Variants in TAF1A observed in about 807,000 individuals in gnomAD.
TAF1A encodes TATA-box binding protein associated factor, RNA polymerase I subunit A.
A neutral mutation model predicts 61.6 loss-of-function variants in TAF1A; 42 were observed. The observed-to-expected ratio is 0.68, with a 90% CI of 0.53 to 0.88. TAF1A has a LOEUF of 0.88. TAF1A is among the 40% of genes least tolerant of loss of function. The pLI is 0.00. For synonymous variants in TAF1A, 179 were observed against 177.7 expected (o/e 1.01, Z -0.06); for missense variants, 424 against 518.7 (o/e 0.82, Z 1.77).
chr1:222,581,866 A>G (rs1031364715), intron 3 of TAF1A, among the ~76,000 whole-genome samples: 2 of 152,212 alleles, frequency 1.3e-5, no homozygotes, highest in African/African-American at 4.8e-5. Flanking sequence ...ATACAGGTTG[A>G]GTATCCCTTA....
chr1:222,576,879 C>A (rs772075977), intron 5 of TAF1A, among the ~76,000 whole-genome samples: 5 of 152,204 alleles, frequency 3.3e-5, no homozygotes, highest in Non-Finnish European at 5.9e-5. Flanking sequence ...CAGCCAGGCT[C>A]CTCTGAGCTC....
intron 7 of TAF1A, among the ~76,000 whole-genome samples, chr1:222,568,051 G>C (rs114946544): frequency 4.6e-5 from 7 of 151,916 alleles, no homozygotes; most frequent in Non-Finnish European, 1.0e-4. Flanking sequence ...ATGGAGAAAG[G>C]AGAGTCTTCA....
At chr1:222,587,796 A>G (rs752092933) in intron 2 of TAF1A, among the ~76,000 whole-genome samples, 31 of 152,274 alleles carry the variant, frequency 2.0e-4, no homozygotes, top group Non-Finnish European at 3.7e-4. Context: ...TCATGCCTGT[A>G]ATCCCACCAC....
At chr1:222,561,854 G>A (rs151132715) in intron 9 of TAF1A, among the ~76,000 whole-genome samples, 13 of 152,272 alleles carry the variant, frequency 8.5e-5, no homozygotes, top group African/African-American at 3.1e-4. Context: ...ACCTCTCTGA[G>A]CTTCAGTGCC....
At chr1:222,555,418 A>G (rs1487201425), downstream of TAF1A, among the ~76,000 whole-genome samples, 1 of 152,236 alleles carries the variant, frequency 6.6e-6, no homozygotes, top group African/African-American at 2.4e-5. Flanking sequence ...CATTCAGAAC[A>G]TGGAGGACAT....
intron 9 of TAF1A, 31 bp downstream of exon 9, chr1:222,563,142 G>T: frequency 6.6e-7 from 1 of 1,524,608 alleles, no homozygotes; most frequent in South Asian, 1.2e-5. Context: ...TATTTATGAT[G>T]ACCTAGTAAT....
Position 222,561,432 on chromosome 1 carries a change from C to T in TAF1A, c.1172G>A (p.Ser391Asn), listed in dbSNP as rs145156580. 1.0e-3 allele frequency: 1,681 copies of T among 1,612,902 alleles called. 20 individuals are homozygous for T. The African/African-American group carries it at 0.019, about 19-fold the overall frequency. Residue 391 changes from serine to asparagine, a missense_variant, in exon 10 of 11, where the codon AGT (serine) becomes AAT (asparagine). Transcript: ENST00000352967. ...GFHFSYFWAK[S>N]DWKEDTALAC... ...CAAAGCTGTATCTTCCTTCCAATCA[C>T]TTTTTGCCCAAAAGTAGCTGAAATG...
In TAF1A at chr1:222,577,597, T is replaced by C; in HGVS notation, c.452A>G (p.Lys151Arg). ...ALYLLHHGML[K>R]DAKRNLSEAE... The stretch of plus-strand genomic sequence containing the variant: ...CTCACTCAGATTTCTCTTAGCATCT[T>C]TAAGCATTCCATGATGCAGAAGGTA... Residue 151 changes from lysine (K) to arginine (R), a missense_variant, in exon 5 of 11, where the codon AAA (lysine) becomes AGA (arginine). Coordinates refer to ENST00000352967, the MANE Select transcript of TAF1A (RefSeq NM_005681.4). 1 of 1,613,954 alleles carries C rather than the reference T, an allele frequency of 6.2e-7. No homozygotes were observed. The highest frequency in any genetic ancestry group is 1.3e-5 in the African/African-American group (1 of 75,046).
At chr1:222,557,147 G>C (rs1360961810), downstream of TAF1A, among the ~76,000 whole-genome samples, 2 of 152,228 alleles carry the variant, frequency 1.3e-5, no homozygotes, top group Admixed American at 6.5e-5. Flanking sequence ...GGAAATGTGT[G>C]TCTCGCCATC....
chr1:222,582,591 A>G, intron 3 of TAF1A, among the ~76,000 whole-genome samples: 1 of 152,182 alleles, frequency 6.6e-6, no homozygotes, highest in East Asian at 1.9e-4. Context: ...TTCCACTCCC[A>G]GGTGTAGACC....
chr1:222,588,698 C>G (rs1410977455), intron 1 of TAF1A, 133 bp from the exon 2 acceptor site: 2 of 920,992 alleles, frequency 2.2e-6, no homozygotes, highest in Non-Finnish European at 3.0e-6. Flanking sequence ...CCTGTCAGCT[C>G]TTTTAAAGTA....
intron 3 of TAF1A, among the ~76,000 whole-genome samples, chr1:222,583,532 T>C (rs142719985): frequency 1.6e-4 from 24 of 151,608 alleles, no homozygotes; most frequent in African/African-American, 5.8e-4. Flanking sequence ...GAAGTTTGGG[T>C]CAAGAGATGA....
At chr1:222,561,286 C>A in intron 10 of TAF1A, 78 bp downstream of exon 10, 1 of 1,443,182 alleles carries the variant, frequency 6.9e-7, no homozygotes, top group Non-Finnish European at 9.4e-7. Flanking sequence ...GTTAGGTAAG[C>A]TCTAAATGAA....
At position 222,588,428 on chromosome 1, in the gene TAF1A, T is replaced by C. The variant is rs1339503997; in HGVS notation, c.121+15A>G. ...CCTTAAAGTTAAAATGGCTCAATGT[T>C]ATTATTTTACTTACCCACAGTTTCT... is the stretch of plus-strand genomic sequence containing the variant. On this transcript the variant is annotated intron_variant, in intron 2 of 10. Transcript: ENST00000352967. The C allele has an allele frequency of 1.9e-6, 3 of 1,610,724 alleles. No homozygotes were observed. In the African/African-American group the frequency reaches 4.0e-5, roughly 22 times the overall value.
chr1:222,576,759 T>C (rs1031451170), intron 5 of TAF1A, among the ~76,000 whole-genome samples: 3 of 152,200 alleles, frequency 2.0e-5, no homozygotes, highest in African/African-American at 7.2e-5. Flanking sequence ...TAAATTAAAC[T>C]CCATTCTAGG....
At position 222,561,347 on chromosome 1, in the gene TAF1A, G is replaced by A. The variant is rs1371927872; in HGVS notation, c.1240+17C>T. 1.1e-5 allele frequency: 18 copies of A among 1,587,612 alleles called. No individual in the cohort carries two copies. Among genetic ancestry groups the A allele is most frequent in the East Asian group, 4.5e-5 (2 of 44,284 alleles). On this transcript the variant is annotated intron_variant, in intron 10 of 10. Coordinates refer to ENST00000352967, the MANE Select transcript of TAF1A (RefSeq NM_005681.4). ...AGCCAAAGCTGTGTCTAGATAAAAC[G>A]AAAATAAAAACTGTACCTTTTCCTA...
At position 222,589,854 on chromosome 1, in the gene TAF1A, A is replaced by G; in HGVS notation, c.-130T>C. On this transcript the variant is annotated 5_prime_UTR_variant, in exon 1 of 11. Coordinates refer to ENST00000352967, the MANE Select transcript of TAF1A (RefSeq NM_005681.4). The stretch of plus-strand genomic sequence containing the variant: ...AGCAGGCGCTAAACCTGGTTTAGGT[A>G]TTTAGGCAGCGCGCGGCCCGGCTCG... 1 of 391,926 alleles carries G rather than the reference A, an allele frequency of 2.6e-6. No homozygotes were observed. The highest frequency in any genetic ancestry group is 4.5e-6 in the Non-Finnish European group (1 of 222,362). The allele number at this position is 391,926 out of a possible 1,614,324, so 24.3% of individuals were successfully genotyped here.
At chr1:222,565,866 AAAC>A (rs985869454) in intron 7 of TAF1A, among the ~76,000 whole-genome samples, 3 of 152,318 alleles carry the variant, frequency 2.0e-5, no homozygotes, top group African/African-American at 4.8e-5. Flanking sequence ...ACCCTGTTTC[AAAC>A]AACAACAACA....
chr1:222,568,775 A>C (rs943366127), intron 7 of TAF1A: 32 of 152,238 alleles, frequency 2.1e-4, no homozygotes, highest in African/African-American at 7.2e-4. Flanking sequence ...AAACATGAAA[A>C]TATATGTGTA....
Sources: gnomAD v4.1 joint callset for allele counts (sites outside exome capture counted in the v4.1 genomes callset) on GRCh38, gnomAD v4.1.1 for gene constraint, MANE v1.5 for transcripts, NCBI Gene and HGNC (gene_info 2026-07-23, HGNC 2026-07-21) for gene names.